The following ATF2 variants were observed in gnomAD, a reference collection of about 807,000 sequenced individuals.
ATF2 encodes the protein cyclic AMP-dependent transcription factor ATF-2.
A neutral mutation model predicts 60.6 loss-of-function variants in ATF2; 24 were observed. The observed-to-expected ratio is 0.40, with a 90% CI of 0.29 to 0.56. The LOEUF is 0.56. Among genes scored for constraint, ATF2 ranks in the 20% least tolerant of loss-of-function variants. ATF2 has a pLI of 0.54. For synonymous variants in ATF2, 206 were observed against 215.4 expected, an observed-to-expected ratio of 0.96 and a Z score of 0.38; for missense variants, 433 against 607.7, an observed-to-expected ratio of 0.71 and a Z score of 3.02.
intron 1 of ATF2, among the ~76,000 whole-genome samples, chr2:175,161,868 C>A (rs551051352): frequency 6.6e-6 from 1 of 151,808 alleles, no homozygotes; most frequent in East Asian, 1.9e-4. Context: ...TCGAGCAATT[C>A]TCCTGCCTCA....
At position 175,074,440 on chromosome 2, in the gene ATF2, T is replaced by C; in HGVS notation, c.*169A>G. 1.4e-6 allele frequency: 1 copy of C among 716,276 alleles called. No homozygotes were observed. Among genetic ancestry groups the C allele is most frequent in the South Asian group, 3.2e-5 (1 of 31,492 alleles). 44.4% of individuals were successfully genotyped at this position (716,276 alleles called of 1,614,324 possible). On this transcript the variant is annotated 3_prime_UTR_variant, in exon 14 of 14. Coordinates refer to ENST00000264110, the MANE Select transcript of ATF2 (RefSeq NM_001880.4). ...CTTTTTCCAGAGACTAAAAACCGTT[T>C]TTCAGTCTGATCAACTGCTGCTACA...
chr2:175,164,481 C>A (rs1245577172), intron 1 of ATF2, among the ~76,000 whole-genome samples: 1 of 152,064 alleles, frequency 6.6e-6, no homozygotes, highest in African/African-American at 2.4e-5. Flanking sequence ...TTGCAGTGAG[C>A]CAAGACTGCA....
intron 10 of ATF2, among the ~76,000 whole-genome samples, chr2:175,111,262 T>A (rs1696163362): frequency 6.6e-6 from 1 of 152,134 alleles, no homozygotes; most frequent in African/African-American, 2.4e-5. Flanking sequence ...GATGATCACA[T>A]CTAGTTTCAG....
Position 175,088,899 on chromosome 2 carries a change from T to C in ATF2, c.1185+4162A>G, listed in dbSNP as rs115888020. Among the ~76,000 whole-genome samples the C allele has an allele frequency of 2.0e-3, 308 of 152,256 alleles. 3 individuals carry two copies. Among genetic ancestry groups the C allele is most frequent in the African/African-American group, 6.6e-3 (276 of 41,566 alleles). On this transcript the variant is annotated intron_variant, in intron 12 of 13. Coordinates refer to ENST00000264110, the MANE Select transcript of ATF2 (RefSeq NM_001880.4). Reference sequence around the variant, plus strand: ...GATATTACTTTAAAAATACAGTAATTGGCTGGGTGCAGTTGCTCATGCCTG... The same window carrying C: ...GATATTACTTTAAAAATACAGTAATCGGCTGGGTGCAGTTGCTCATGCCTG...
At chr2:175,143,353 C>A (rs1269019688) in intron 2 of ATF2, among the ~76,000 whole-genome samples, 1 of 152,008 alleles carries the variant, frequency 6.6e-6, no homozygotes, top group African/African-American at 2.4e-5. Context: ...CTAAATTCTG[C>A]CATATAATTA....
intron 2 of ATF2, among the ~76,000 whole-genome samples, chr2:175,143,036 C>T (rs112204259): frequency 4.6e-5 from 7 of 152,112 alleles, no homozygotes; most frequent in African/African-American, 1.7e-4. Flanking sequence ...TTTTCATTGG[C>T]GTTCAGAAGG....
At chr2:175,108,432 CCCGGCCAGCAGCCCCGT>C (rs1247536322) in intron 10 of ATF2, among the ~76,000 whole-genome samples, 1 of 150,818 alleles carries the variant, frequency 6.6e-6, no homozygotes, top group African/African-American at 2.4e-5. Context: ...TCAGCCCCCG[CCCGGCCAGCAGCCCCGT>C]CCGGGAGGGA....
chr2:175,141,495 T>C (rs182596007), intron 2 of ATF2, among the ~76,000 whole-genome samples: 4 of 152,218 alleles, frequency 2.6e-5, no homozygotes, highest in East Asian at 1.9e-4. Context: ...ATTTTTCTTT[T>C]CTTTTTTTTC....
intron 9 of ATF2, among the ~76,000 whole-genome samples, chr2:175,113,598 A>G (rs1377400061): frequency 6.6e-6 from 1 of 152,018 alleles, no homozygotes; most frequent in Non-Finnish European, 1.5e-5. Context: ...GATTCTACAA[A>G]CCCTACTTGA....
chr2:175,092,600 C>G (rs1694628096), intron 12 of ATF2: 3 of 453,348 alleles, frequency 6.6e-6, no homozygotes, highest in Non-Finnish European at 1.4e-5. Context: ...TGGCACCTTT[C>G]ACGAGCAATA....
intron 1 of ATF2, among the ~76,000 whole-genome samples, chr2:175,156,383 A>AC (rs1464545492): frequency 1.0e-4 from 15 of 148,178 alleles, no homozygotes; most frequent in African/African-American, 3.0e-4. Flanking sequence ...AAAACAAAAA[A>AC]AAAAAAAAAA....
intron 13 of ATF2, among the ~76,000 whole-genome samples, chr2:175,078,718 T>C (rs1286087764): frequency 2.0e-5 from 3 of 152,224 alleles, no homozygotes; most frequent in African/African-American, 4.8e-5. Flanking sequence ...TCACCACTGT[T>C]AGCAAGAGCT....
chr2:175,091,996 T>C (rs1394132825), intron 12 of ATF2, among the ~76,000 whole-genome samples: 1 of 152,216 alleles, frequency 6.6e-6, no homozygotes, highest in African/African-American at 2.4e-5. Context: ...ATCATTAAAA[T>C]AAAATCGTTA....
chr2:175,121,783 G>A (rs533535641), intron 4 of ATF2, among the ~76,000 whole-genome samples: 1 of 151,148 alleles, frequency 6.6e-6, no homozygotes, highest in East Asian at 1.9e-4. Flanking sequence ...ACTCATTTGA[G>A]AGCATTTAAA....
intron 1 of ATF2, among the ~76,000 whole-genome samples, chr2:175,153,969 C>CA (rs1231121532): frequency 1.3e-5 from 2 of 151,654 alleles, no homozygotes; most frequent in African/African-American, 4.8e-5. Context: ...CCTGTAATCC[C>CA]AGCACTTTGG....
intron 2 of ATF2, among the ~76,000 whole-genome samples, chr2:175,144,094 C>A (rs948145828): frequency 1.3e-4 from 20 of 151,970 alleles, no homozygotes; most frequent in Admixed American, 1.3e-3. Flanking sequence ...GCACCTGATT[C>A]TTTGCCCATT....
intron 10 of ATF2, among the ~76,000 whole-genome samples, chr2:175,108,510 G>A (rs1349195075): frequency 6.7e-6 from 1 of 150,060 alleles, no homozygotes; most frequent in Non-Finnish European, 1.5e-5. Context: ...GGAGGGAGGT[G>A]GGGGGTCAGC....
At chr2:175,166,763 A>T (rs1399961797) in intron 1 of ATF2, among the ~76,000 whole-genome samples, 1 of 152,244 alleles carries the variant, frequency 6.6e-6, no homozygotes, top group East Asian at 1.9e-4. Context: ...TTCAAATAGG[A>T]CAAAAAGTGT....
intron 4 of ATF2, among the ~76,000 whole-genome samples, 163 bp from the exon 5 acceptor site, chr2:175,121,703 G>C (rs897660825): frequency 3.4e-4 from 52 of 151,210 alleles, no homozygotes; most frequent in African/African-American, 1.2e-3. Context: ...TAGCACACTA[G>C]ATTGCAAACA....
Sources: allele counts gnomAD v4.1 joint callset (sites outside exome capture counted in the v4.1 genomes callset), GRCh38; gene constraint gnomAD v4.1.1; transcripts MANE v1.5; gene names NCBI Gene and HGNC (gene_info 2026-07-23, HGNC 2026-07-21).